Variants in CFAP100 observed in about 807,000 individuals in gnomAD.
CFAP100 encodes the protein cilia- and flagella-associated protein 100.
Under a neutral mutation model 81.5 loss-of-function variants are expected in CFAP100, and 70 were observed. The observed-to-expected ratio is 0.86, with a 90% CI of 0.71 to 1.05. The LOEUF is 1.05. Among genes scored for constraint, CFAP100 ranks in the 50% least tolerant of loss-of-function variants. CFAP100 has a pLI of 0.00. For synonymous variants in CFAP100, 341 were observed against 314.8 expected, an observed-to-expected ratio of 1.08 and a Z score of -0.88; for missense variants, 811 against 776.5, an observed-to-expected ratio of 1.04 and a Z score of -0.53.
chr3:126,421,221 C>T (rs933915441), intron 11 of CFAP100, among the ~76,000 whole-genome samples: 2 of 152,120 alleles, frequency 1.3e-5, no homozygotes, highest in African/African-American at 4.8e-5. Context: ...GCAGGCTGGT[C>T]TCAAACTCCT....
At chr3:126,420,500 G>A (rs774234063) in intron 11 of CFAP100, 54 of 499,288 alleles carry the variant, frequency 1.1e-4, no homozygotes, top group Admixed American at 2.5e-4. Context: ...GAATAATTTC[G>A]GGCTCTTGGA....
intron 4 of CFAP100, chr3:126,414,460 G>A (rs1246650350): frequency 8.5e-5 from 52 of 614,962 alleles, no homozygotes; most frequent in African/African-American, 1.5e-4. Flanking sequence ...CCACCTCGCC[G>A]CCACTTCCAC....
chr3:126,415,125 C>T (rs2083213959), intron 4 of CFAP100, among the ~76,000 whole-genome samples: 1 of 152,142 alleles, frequency 6.6e-6, no homozygotes, highest in African/African-American at 2.4e-5. Context: ...TTTTCCTCTA[C>T]ACTCAAGCCC....
At chr3:126,404,682 G>GT (rs1023196681) in intron 2 of CFAP100, among the ~76,000 whole-genome samples, 3 of 151,898 alleles carry the variant, frequency 2.0e-5, no homozygotes, top group Non-Finnish European at 2.9e-5. Context: ...GGAAAATGAG[G>GT]TTTTTTTTCT....
At chr3:126,417,643 C>T (rs538654795) in intron 5 of CFAP100, among the ~76,000 whole-genome samples, 9 of 152,334 alleles carry the variant, frequency 5.9e-5, no homozygotes, top group African/African-American at 1.9e-4. Flanking sequence ...GGAGGCGGGA[C>T]TATGACTCCC....
chr3:126,430,398 A>T (rs1245642369), intron 13 of CFAP100, among the ~76,000 whole-genome samples: 2 of 152,230 alleles, frequency 1.3e-5, no homozygotes, highest in Non-Finnish European at 2.9e-5. Flanking sequence ...ACAAATATTT[A>T]AAGTGATGGA....
chr3:126,435,525 C>T, intron 15 of CFAP100, 34 bp from the exon 16 acceptor site: 1 of 1,578,376 alleles, frequency 6.3e-7, no homozygotes, highest in Non-Finnish European at 8.7e-7. Flanking sequence ...CTTCCAGGTC[C>T]CCCCAGTTTT....
intron 2 of CFAP100, among the ~76,000 whole-genome samples, chr3:126,400,852 G>A (rs984985178): frequency 1.3e-5 from 2 of 152,216 alleles, no homozygotes; most frequent in African/African-American, 4.8e-5. Context: ...GTACCTAAAA[G>A]AACGGAAAGC....
intron 15 of CFAP100, among the ~76,000 whole-genome samples, chr3:126,435,117 G>A (rs552362936): frequency 1.3e-5 from 2 of 152,292 alleles, no homozygotes; most frequent in South Asian, 2.1e-4. Flanking sequence ...ACCCTGCTCA[G>A]AGTGGGCACT....
At chr3:126,399,470 A>G (rs2082938277) in intron 2 of CFAP100, among the ~76,000 whole-genome samples, 1 of 152,266 alleles carries the variant, frequency 6.6e-6, no homozygotes, top group Non-Finnish European at 1.5e-5. Flanking sequence ...CTATTCACAG[A>G]TGACACAACC....
chr3:126,426,349 G>C (rs139127783), intron 13 of CFAP100, among the ~76,000 whole-genome samples: 2 of 152,006 alleles, frequency 1.3e-5, no homozygotes, highest in South Asian at 2.1e-4. Flanking sequence ...TGAAGTCCTA[G>C]CTACTTGGCA....
At chr3:126,401,397 TTATATATATATATA>T (rs58055481) in intron 2 of CFAP100, among the ~76,000 whole-genome samples, 904 of 76,208 alleles carry the variant, frequency 0.012, 19 homozygotes, top group South Asian at 0.027. Context: ...AAATCGTATT[TTATATATATATATA>T]TATATATATA....
chr3:126,402,470 C>G (rs983983261), intron 2 of CFAP100, among the ~76,000 whole-genome samples: 1 of 152,096 alleles, frequency 6.6e-6, no homozygotes, highest in Non-Finnish European at 1.5e-5. Flanking sequence ...GGTGAGTGAG[C>G]AGGTGTAGGA....
intron 13 of CFAP100, among the ~76,000 whole-genome samples, chr3:126,429,098 G>A (rs538907818): frequency 1.7e-4 from 21 of 120,936 alleles, no homozygotes; most frequent in East Asian, 1.4e-3. Context: ...GATAGAGTGC[G>A]TCTCCATCCA....
At position 126,414,162 on chromosome 3, in the gene CFAP100, C is replaced by T. The variant is rs982195903; in HGVS notation, c.208C>T (p.Arg70Trp). 2.5e-5 allele frequency: 40 copies of T among 1,613,298 alleles called. No homozygotes were observed. Among genetic ancestry groups the T allele is most frequent in the African/African-American group, 9.3e-5 (7 of 74,898 alleles). ...TTTCTTCTTGCTCAGAGATCAGGAG[C>T]GGAATAAGGCTCTCTCCGTGAGTAT... ...VDFFLLRDQE[R>W]NKALSERQQQ... The change falls in exon 4 of 17, where the codon CGG becomes TGG. Residue 70 changes from arginine (R) to tryptophan (W), a missense_variant. By Grantham distance (101) the Arg-to-Trp change is moderately radical. Transcript: ENST00000352312.
intron 2 of CFAP100, among the ~76,000 whole-genome samples, chr3:126,405,233 TTTGG>T (rs2083045159): frequency 6.6e-6 from 1 of 152,208 alleles, no homozygotes; most frequent in Non-Finnish European, 1.5e-5. Context: ...GTATTTGTCC[TTTGG>T]GGCTGGCTTG....
intron 3 of CFAP100, among the ~76,000 whole-genome samples, chr3:126,411,560 G>C (rs1312269160): frequency 6.6e-6 from 1 of 150,904 alleles, no homozygotes; most frequent in Non-Finnish European, 1.5e-5. Context: ...TTTTTTGTTG[G>C]CAATTTTTAA....
chr3:126,414,264 A>G, intron 4 of CFAP100, 85 bp downstream of exon 4: 1 of 919,170 alleles, frequency 1.1e-6, no homozygotes, highest in Non-Finnish European at 1.8e-6. Context: ...CCCTTCTCAG[A>G]GGAGCACTTT....
rs923734984 is a variant in CFAP100, at chr3:126,416,216, C to T, written c.226-100C>T. The stretch of plus-strand genomic sequence containing the variant: ...AGCAGTGTTCAGGTCCCCGCGTCCT[C>T]GCGCGCAAACCCGCGTCCCTAGGAA... On this transcript the variant is annotated intron_variant, in intron 4 of 16. Transcript: ENST00000352312. The T allele has an allele frequency of 1.1e-5, 8 of 716,164 alleles. No homozygotes were observed. In the Admixed American group the frequency reaches 1.2e-4, roughly 11 times the overall value. 44.4% of individuals were successfully genotyped at this position (716,164 alleles called of 1,614,324 possible).
Sources: allele counts gnomAD v4.1 joint callset (sites outside exome capture counted in the v4.1 genomes callset), GRCh38; gene constraint gnomAD v4.1.1; transcripts MANE v1.5; gene names NCBI Gene and HGNC (gene_info 2026-07-23, HGNC 2026-07-21).